SOX5: variants seen among roughly 807,000 people sequenced by gnomAD.
SOX5 encodes the protein SRY-box transcription factor 5.
In SOX5, 9 loss-of-function variants were observed where a neutral mutation model predicts 92.0. The observed-to-expected ratio is 0.10, with a 90% confidence interval of 0.06 to 0.17. The LOEUF is 0.17. Among genes scored for constraint, SOX5 ranks in the 10% least tolerant of loss-of-function variants. SOX5 has a pLI of 1.00. For synonymous variants in SOX5, 344 were observed against 336.3 expected (o/e 1.02, Z -0.25); for missense variants, 642 against 944.5 (o/e 0.68, Z 4.20).
chr12:23,940,933 C>T (rs1056694547), intron 1 of SOX5, among the ~76,000 whole-genome samples: 1 of 151,346 alleles, frequency 6.6e-6, no homozygotes, highest in African/African-American at 2.4e-5. Context: ...TAAATATGCA[C>T]CACAATACCA....
intron 3 of SOX5, among the ~76,000 whole-genome samples, chr12:23,798,227 A>G (rs2095599611): frequency 6.6e-6 from 1 of 152,014 alleles, no homozygotes; most frequent in South Asian, 2.1e-4. Context: ...CCACTGCTGT[A>G]TCTTCTGTAC....
intron 7 of SOX5, among the ~76,000 whole-genome samples, chr12:23,651,916 T>C (rs977993523): frequency 6.6e-6 from 1 of 151,876 alleles, no homozygotes; most frequent in African/African-American, 2.4e-5. Context: ...CTGATTATGG[T>C]CTATCGATGA....
intron 1 of SOX5, among the ~76,000 whole-genome samples, chr12:24,562,171 C>T (rs112635069): frequency 0.051 from 7,714 of 152,264 alleles, 268 homozygotes; most frequent in Non-Finnish European, 0.083. Flanking sequence ...GAGGAAACTC[C>T]GGCGGCGGCC....
chr12:23,571,475 T>C (rs1312985257), intron 10 of SOX5, among the ~76,000 whole-genome samples: 1 of 152,186 alleles, frequency 6.6e-6, no homozygotes, highest in Non-Finnish European at 1.5e-5. Context: ...GTTGTCTGCT[T>C]ATCCTCCAGA....
chr12:24,181,917 C>T (rs954333851), intron 4 of SOX5, among the ~76,000 whole-genome samples: 1 of 152,072 alleles, frequency 6.6e-6, no homozygotes, highest in African/African-American at 2.4e-5. Context: ...GGTATGCTTC[C>T]AAACCATTTT....
chr12:23,938,176 T>C (rs917630264), intron 1 of SOX5, among the ~76,000 whole-genome samples: 1 of 151,076 alleles, frequency 6.6e-6, no homozygotes, highest in Admixed American at 6.6e-5. Context: ...ATCAGCACTT[T>C]GGATGGCTTC....
intron 10 of SOX5, among the ~76,000 whole-genome samples, chr12:23,571,484 G>A (rs755403928): frequency 2.0e-5 from 3 of 152,110 alleles, no homozygotes; most frequent in Non-Finnish European, 2.9e-5. Context: ...TTATCCTCCA[G>A]ACTAAGCAAA....
intron 1 of SOX5, among the ~76,000 whole-genome samples, chr12:24,454,420 C>T (rs540393648): frequency 2.0e-4 from 31 of 152,320 alleles, no homozygotes; most frequent in African/African-American, 7.5e-4. Context: ...TTGCTTCTTT[C>T]TTATCTCACT....
intron 4 of SOX5, among the ~76,000 whole-genome samples, chr12:24,080,897 C>T (rs1943248562): frequency 6.6e-6 from 1 of 151,834 alleles, no homozygotes; most frequent in South Asian, 2.1e-4. Context: ...AAAACAACAA[C>T]AACAATGAAG....
chr12:23,841,519 T>A (rs1357881373), intron 3 of SOX5, among the ~76,000 whole-genome samples: 3 of 152,120 alleles, frequency 2.0e-5, no homozygotes, highest in African/African-American at 7.2e-5. Flanking sequence ...GCTTTATTCA[T>A]AATAACCAAA....
chr12:24,367,938 T>C (rs1045134530), intron 2 of SOX5: 1 of 152,204 alleles, frequency 6.6e-6, no homozygotes, highest in African/African-American at 2.4e-5. Context: ...ATTTACTGCA[T>C]TTACTATATT....
At chr12:23,910,145 T>C (rs1304248619) in intron 1 of SOX5, among the ~76,000 whole-genome samples, 1 of 152,170 alleles carries the variant, frequency 6.6e-6, no homozygotes, top group Non-Finnish European at 1.5e-5. Context: ...GATAGTTATT[T>C]ATGCTAAGGA....
intron 7 of SOX5, among the ~76,000 whole-genome samples, chr12:23,642,440 G>T (rs2138776339): frequency 6.6e-6 from 1 of 152,318 alleles, no homozygotes; most frequent in East Asian, 1.9e-4. Context: ...AGGAAAAGGT[G>T]ATGTTTAAGC....
At chr12:23,653,318 G>A (rs910253702) in intron 7 of SOX5, among the ~76,000 whole-genome samples, 2 of 151,066 alleles carry the variant, frequency 1.3e-5, no homozygotes, top group Admixed American at 6.6e-5. Context: ...GGAATAGTCT[G>A]TCTGTATCCC....
intron 4 of SOX5, among the ~76,000 whole-genome samples, chr12:23,754,024 C>T (rs1031329736): frequency 1.3e-5 from 2 of 151,756 alleles, no homozygotes; most frequent in African/African-American, 4.8e-5. Flanking sequence ...AGGACAATAA[C>T]CTAACTTATA....
At chr12:24,173,287 G>A (rs1187110840) in intron 4 of SOX5, among the ~76,000 whole-genome samples, 3 of 152,218 alleles carry the variant, frequency 2.0e-5, no homozygotes, top group East Asian at 1.9e-4. Context: ...TCATGACCCC[G>A]AACAAATCAG....
intron 1 of SOX5, among the ~76,000 whole-genome samples, chr12:24,455,006 C>A (rs1480573339): frequency 1.3e-5 from 2 of 152,208 alleles, no homozygotes; most frequent in South Asian, 2.1e-4. Flanking sequence ...CAGAGCCTCA[C>A]ACCTCGTTTA....
chr12:24,339,163 C>CA (rs1952273837), intron 2 of SOX5, among the ~76,000 whole-genome samples: 3 of 140,382 alleles, frequency 2.1e-5, no homozygotes, highest in African/African-American at 8.0e-5. Flanking sequence ...TCTCTCTCTG[C>CA]CACACACACA....
chr12:24,194,432 T>G (rs12305236), intron 4 of SOX5, among the ~76,000 whole-genome samples: 4,892 of 99,270 alleles, frequency 0.049, 154 homozygotes, highest in African/African-American at 0.17. Context: ...TAGGTAGGTA[T>G]GTAGGTAGGT....
Sources: gnomAD v4.1 joint callset for allele counts (sites outside exome capture counted in the v4.1 genomes callset) on GRCh38, gnomAD v4.1.1 for gene constraint, MANE v1.5 for transcripts, NCBI Gene and HGNC (gene_info 2026-07-23, HGNC 2026-07-21) for gene names.